NELL1: variants seen among roughly 807,000 people sequenced by gnomAD.
The protein encoded by NELL1 is neural EGFL like 1, also known as protein kinase C-binding protein NELL1.
NELL1 carries 76 observed loss-of-function variants against 107.4 expected under a neutral mutation model. That is an observed-to-expected ratio of 0.71 (90% confidence interval 0.59 to 0.86). The LOEUF (loss-of-function observed/expected upper bound fraction) is 0.86, where lower values mean the gene tolerates loss of function less well. Among genes scored for constraint, NELL1 ranks in the 40% least tolerant of loss-of-function variants. The probability of loss-of-function intolerance (pLI) is 0.00; values close to 1 mark genes in which losing one functional copy is unlikely to be tolerated. For synonymous variants in NELL1, 353 were observed against 341.2 expected (o/e 1.03, Z -0.38); for missense variants, 1,024 against 1,005.5 (o/e 1.02, Z -0.25).
intron 2 of NELL1, among the ~76,000 whole-genome samples, chr11:20,736,930 T>C (rs1417841297): frequency 6.6e-6 from 1 of 151,858 alleles, no homozygotes; most frequent in Non-Finnish European, 1.5e-5. Context: ...AATTTTTGTG[T>C]TTTTTATAGA....
At chr11:20,837,946 C>T (rs977263836) in intron 3 of NELL1, among the ~76,000 whole-genome samples, 9 of 152,032 alleles carry the variant, frequency 5.9e-5, no homozygotes, top group Non-Finnish European at 8.8e-5. Flanking sequence ...ACTCCCCACT[C>T]CTTAAGTGTG....
chr11:21,562,897 T>G (rs1856884659), intron 17 of NELL1, among the ~76,000 whole-genome samples: 1 of 152,054 alleles, frequency 6.6e-6, no homozygotes, highest in African/African-American at 2.4e-5. Flanking sequence ...CTGCTAGTGT[T>G]TCATGGTAAT....
chr11:20,813,841 G>A (rs1297725619), intron 3 of NELL1, among the ~76,000 whole-genome samples: 1 of 152,000 alleles, frequency 6.6e-6, no homozygotes, highest in Non-Finnish European at 1.5e-5. Flanking sequence ...AAAGGGAAGT[G>A]AATTTGATTG....
At chr11:20,828,702 T>C (rs1198742059) in intron 3 of NELL1, among the ~76,000 whole-genome samples, 3 of 152,242 alleles carry the variant, frequency 2.0e-5, no homozygotes, top group Non-Finnish European at 4.4e-5. Flanking sequence ...TCAATATTTT[T>C]AATGCTGTTT....
intron 15 of NELL1, among the ~76,000 whole-genome samples, chr11:21,470,161 T>C (rs1386448771): frequency 1.3e-5 from 2 of 152,070 alleles, no homozygotes; most frequent in Non-Finnish European, 2.9e-5. Flanking sequence ...GGTAAAGATA[T>C]ATGCAGAAAC....
intron 12 of NELL1, among the ~76,000 whole-genome samples, chr11:21,053,897 T>A (rs1368532494): frequency 6.6e-6 from 1 of 152,194 alleles, no homozygotes; most frequent in Non-Finnish European, 1.5e-5. Flanking sequence ...CAAAATCAAT[T>A]TCTGCTTATA....
At chr11:20,720,978 A>G (rs957595344) in intron 2 of NELL1, among the ~76,000 whole-genome samples, 7 of 151,974 alleles carry the variant, frequency 4.6e-5, no homozygotes, top group African/African-American at 9.7e-5. Context: ...GATGCAGCCA[A>G]TAGTAACCAA....
At chr11:20,809,461 C>T (rs191473116) in intron 3 of NELL1, among the ~76,000 whole-genome samples, 3 of 152,154 alleles carry the variant, frequency 2.0e-5, no homozygotes, top group East Asian at 3.9e-4. Flanking sequence ...AATAGAACAC[C>T]GGAACTTGTT....
At chr11:21,124,377 A>C (rs1271133968) in intron 13 of NELL1, among the ~76,000 whole-genome samples, 2 of 152,222 alleles carry the variant, frequency 1.3e-5, no homozygotes, top group Non-Finnish European at 2.9e-5. Context: ...GATTAAAAGC[A>C]ATGGCTTTGC....
At position 21,570,758 on chromosome 11, in the gene NELL1, A is replaced by C. The variant is rs1857081666; in HGVS notation, c.1981-6A>C. On this transcript the variant is annotated splice_polypyrimidine_tract_variant and splice_region_variant and intron_variant, in intron 17 of 19. Coordinates refer to ENST00000357134, the MANE Select transcript of NELL1 (RefSeq NM_006157.5). ...ATGAAACCTCCTTAACTTCATTTCT[A>C]AACAGGATGGCAAGATATTCTGCCG... is the stretch of plus-strand genomic sequence containing the variant. 6.2e-7 allele frequency: 1 copy of C among 1,610,434 alleles called. No individual in the cohort carries two copies. Among genetic ancestry groups the C allele is most frequent in the East Asian group, 2.2e-5 (1 of 44,642 alleles).
chr11:21,339,657 C>G (rs1850517327), intron 14 of NELL1, among the ~76,000 whole-genome samples: 1 of 152,192 alleles, frequency 6.6e-6, no homozygotes, highest in African/African-American at 2.4e-5. Context: ...TCCTTGGTGA[C>G]TTGCTCTGTT....
At chr11:21,001,536 C>T (rs943032631) in intron 12 of NELL1, among the ~76,000 whole-genome samples, 1 of 151,534 alleles carries the variant, frequency 6.6e-6, no homozygotes, top group Non-Finnish European at 1.5e-5. Flanking sequence ...ACTGGAGTTA[C>T]ATTCCAGATA....
At chr11:21,500,748 C>T (rs981818618) in intron 15 of NELL1, among the ~76,000 whole-genome samples, 1 of 152,096 alleles carries the variant, frequency 6.6e-6, no homozygotes, top group Non-Finnish European at 1.5e-5. Flanking sequence ...ACAAACCCTT[C>T]GTAAAGTTTG....
intron 12 of NELL1, among the ~76,000 whole-genome samples, chr11:21,077,779 C>T (rs978574348): frequency 6.7e-6 from 1 of 150,066 alleles, no homozygotes; most frequent in African/African-American, 2.4e-5. Context: ...AATTCCCATA[C>T]TGTAACATAA....
chr11:20,797,851 A>G (rs1335899812), intron 3 of NELL1, among the ~76,000 whole-genome samples: 1 of 152,164 alleles, frequency 6.6e-6, no homozygotes, highest in Non-Finnish European at 1.5e-5. Flanking sequence ...TGTGTGTGTC[A>G]TATGGCCAAT....
intron 12 of NELL1, among the ~76,000 whole-genome samples, chr11:21,004,394 C>T (rs1852286832): frequency 6.6e-6 from 1 of 151,870 alleles, no homozygotes; most frequent in South Asian, 2.1e-4. Context: ...TGTTTATTGT[C>T]TTGCTCGATT....
chr11:21,337,749 T>TTTCC (rs1850445304), intron 14 of NELL1, among the ~76,000 whole-genome samples: 1 of 134,574 alleles, frequency 7.4e-6, no homozygotes, highest in Non-Finnish European at 1.6e-5. Context: ...TCTTTCTTTC[T>TTTCC]TTCTTTCTTT....
intron 5 of NELL1, among the ~76,000 whole-genome samples, chr11:20,896,423 T>C (rs894149357): frequency 4.6e-5 from 7 of 152,202 alleles, no homozygotes; most frequent in Admixed American, 1.3e-4. Flanking sequence ...CAATTGAGAA[T>C]TGTGCTGCTA....
At chr11:21,139,189 T>C (rs1056378464) in intron 13 of NELL1, among the ~76,000 whole-genome samples, 1 of 152,200 alleles carries the variant, frequency 6.6e-6, no homozygotes, top group African/African-American at 2.4e-5. Context: ...AGTAAGAGTG[T>C]GGTCTTTTTC....
Sources: allele counts gnomAD v4.1 joint callset (sites outside exome capture counted in the v4.1 genomes callset), GRCh38; gene constraint gnomAD v4.1.1; transcripts MANE v1.5; gene names NCBI Gene and HGNC (gene_info 2026-07-23, HGNC 2026-07-21).